The following CCDC126 variants were observed in gnomAD, a reference collection of about 807,000 sequenced individuals.
The protein encoded by CCDC126 is coiled-coil domain-containing protein 126.
Under a neutral mutation model 11.7 loss-of-function variants are expected in CCDC126, and 5 were observed. The ratio of observed to expected loss-of-function variants is 0.43; its 90% confidence interval spans 0.22 to 0.90. The LOEUF (loss-of-function observed/expected upper bound fraction) is 0.90. Ranked by LOEUF, CCDC126 falls within the 40% of genes least tolerant of loss-of-function variation. The probability of loss-of-function intolerance (pLI) is 0.27; values close to 1 mark genes in which losing one functional copy is unlikely to be tolerated. For synonymous variants in CCDC126, 60 were observed against 61.9 expected (o/e 0.97, Z 0.14); for missense variants, 150 against 163.1 (o/e 0.92, Z 0.44).
chr7:23,606,025 G>A (rs1485769755), intron 2 of CCDC126, among the ~76,000 whole-genome samples: 1 of 151,830 alleles, frequency 6.6e-6, no homozygotes, highest in African/African-American at 2.4e-5. Flanking sequence ...ATCCTAATGG[G>A]TATGAAGTGG....
intron 3 of CCDC126, among the ~76,000 whole-genome samples, chr7:23,627,369 C>T (rs1235024658): frequency 2.6e-5 from 4 of 151,690 alleles, no homozygotes; most frequent in East Asian, 2.0e-4. Flanking sequence ...AGGCCAGTTG[C>T]GGTGGCTCAC....
At chr7:23,618,580 T>C (rs1782834222) in intron 3 of CCDC126, among the ~76,000 whole-genome samples, 1 of 150,052 alleles carries the variant, frequency 6.7e-6, no homozygotes, top group Non-Finnish European at 1.5e-5. Context: ...AGACAGAGTC[T>C]TGCTCTGTTG....
At chr7:23,631,801 C>A (rs1200233821) in intron 3 of CCDC126, among the ~76,000 whole-genome samples, 1 of 151,798 alleles carries the variant, frequency 6.6e-6, no homozygotes, top group Admixed American at 6.6e-5. Context: ...AAAAGTCCCC[C>A]CCCACCCTGA....
intron 3 of CCDC126, among the ~76,000 whole-genome samples, chr7:23,640,947 T>C (rs1783343139): frequency 6.6e-6 from 1 of 151,944 alleles, no homozygotes; most frequent in East Asian, 1.9e-4. Flanking sequence ...AAACCTGAAA[T>C]GAACATTGGT....
intron 2 of CCDC126, among the ~76,000 whole-genome samples, chr7:23,604,957 C>T (rs571027183): frequency 1.4e-3 from 207 of 149,610 alleles, no homozygotes; most frequent in African/African-American, 4.7e-3. Context: ...GAGATTGAGC[C>T]ACTGCACTCC....
chr7:23,622,679 T>C, intron 3 of CCDC126: 1 of 532,864 alleles, frequency 1.9e-6, no homozygotes, highest in Non-Finnish European at 3.8e-6. Flanking sequence ...TGCAGATGAC[T>C]GCTTAGTACA....
intron 2 of CCDC126, among the ~76,000 whole-genome samples, chr7:23,604,997 CA>C (rs35137744): frequency 0.37 from 33,877 of 92,474 alleles, 3,961 homozygotes; most frequent in African/African-American, 0.45. Context: ...GACTTCGTCT[CA>C]AAAAAAAAAA....
chr7:23,617,778 C>G (rs766410287), intron 3 of CCDC126, among the ~76,000 whole-genome samples: 30 of 152,162 alleles, frequency 2.0e-4, no homozygotes, highest in Admixed American at 4.6e-4. Context: ...TGACAATTCA[C>G]TAGATTGACC....
chr7:23,630,501 A>ATCAG lies in CCDC126; in HGVS notation c.239-12427_239-12426insGTCA, dbSNP rs907208963. ...TGACAAAGTGAGACTGTTTCAGTCA[A>ATCAG]TCAATCAATCAATCATCCATGAAGG... On this transcript the variant is annotated intron_variant, in intron 3 of 3. Transcript: ENST00000307471. Among the ~76,000 whole-genome samples the ATCAG allele has an allele frequency of 1.5e-4, 22 of 149,586 alleles. No homozygotes were observed. The South Asian group carries it at 2.6e-3, about 18-fold the overall frequency.
At chr7:23,624,108 T>G (rs994180281) in intron 3 of CCDC126, among the ~76,000 whole-genome samples, 1 of 152,238 alleles carries the variant, frequency 6.6e-6, no homozygotes, top group African/African-American at 2.4e-5. Flanking sequence ...TCAGGTCTGC[T>G]AAGTCAGTTA....
intron 3 of CCDC126, among the ~76,000 whole-genome samples, chr7:23,638,298 G>T (rs1783280826): frequency 6.7e-6 from 1 of 148,808 alleles, no homozygotes; most frequent in Non-Finnish European, 1.5e-5. Flanking sequence ...GGAAAAAATT[G>T]AGAAATCGGA....
intron 2 of CCDC126, among the ~76,000 whole-genome samples, chr7:23,606,029 G>A (rs778415425): frequency 1.3e-5 from 2 of 151,886 alleles, no homozygotes; most frequent in Non-Finnish European, 2.9e-5. Context: ...TAATGGGTAT[G>A]AAGTGGTATT....
At chr7:23,640,368 A>G (rs1351860735) in intron 3 of CCDC126, among the ~76,000 whole-genome samples, 2 of 151,108 alleles carry the variant, frequency 1.3e-5, no homozygotes, top group Non-Finnish European at 2.9e-5. Flanking sequence ...ATGGTGTTGC[A>G]TGCCTGTAAT....
At chr7:23,612,492 A>C (rs1782732573) in intron 3 of CCDC126, among the ~76,000 whole-genome samples, 1 of 149,056 alleles carries the variant, frequency 6.7e-6, no homozygotes. Context: ...AAAAAAAAAA[A>C]AAAAAAAAAC....
chr7:23,600,117 T>C (rs1030629239), intron 2 of CCDC126, among the ~76,000 whole-genome samples: 15 of 152,316 alleles, frequency 9.8e-5, no homozygotes, highest in African/African-American at 3.1e-4. Context: ...TGTAGCATAA[T>C]GGTTAGTTTT....
intron 2 of CCDC126, among the ~76,000 whole-genome samples, chr7:23,603,543 T>C (rs1584192391): frequency 6.6e-6 from 1 of 152,198 alleles, no homozygotes; most frequent in Non-Finnish European, 1.5e-5. Context: ...TCTGGACCAG[T>C]AGGATTTCTG....
At chr7:23,607,590 T>C (rs1305282134) in intron 2 of CCDC126, among the ~76,000 whole-genome samples, 1 of 152,222 alleles carries the variant, frequency 6.6e-6, no homozygotes, top group African/African-American at 2.4e-5. Flanking sequence ...ACTTCTTATC[T>C]TTTTTTATTT....
intron 2 of CCDC126, among the ~76,000 whole-genome samples, chr7:23,607,582 TTCTTA>T (rs1203310612): frequency 1.3e-5 from 2 of 152,180 alleles, no homozygotes; most frequent in South Asian, 2.1e-4. Flanking sequence ...AAGTCAAAAC[TTCTTA>T]TCTTTTTTTA....
intron 3 of CCDC126, among the ~76,000 whole-genome samples, chr7:23,632,691 G>C (rs76374542): frequency 0.018 from 2,749 of 152,098 alleles, 97 homozygotes; most frequent in African/African-American, 0.063. Flanking sequence ...GTAAATCTAC[G>C]GTTATCTCAA....
Sources: gnomAD v4.1 joint callset for allele counts (sites outside exome capture counted in the v4.1 genomes callset) on GRCh38, gnomAD v4.1.1 for gene constraint, MANE v1.5 for transcripts, NCBI Gene and HGNC (gene_info 2026-07-23, HGNC 2026-07-21) for gene names.